The following APP variants were observed in gnomAD, a reference collection of about 807,000 sequenced individuals.
The protein encoded by APP is amyloid-beta precursor protein.
APP carries 31 observed loss-of-function variants against 101.4 expected under a neutral mutation model. The ratio of observed to expected loss-of-function variants is 0.31; its 90% CI spans 0.23 to 0.41. The LOEUF is 0.41. Ranked by LOEUF, APP falls within the 10% of genes least tolerant of loss-of-function variation. The pLI, the probability that APP is intolerant of heterozygous loss-of-function variation, is 1.00. For missense variants in APP, 839 were observed against 1,003.7 expected (o/e 0.84, Z 2.22); for synonymous variants, 366 against 364.4 (o/e 1.00, Z -0.05).
intron 13 of APP, among the ~76,000 whole-genome samples, chr21:25,946,598 G>A (rs45567537): frequency 1.7e-3 from 258 of 152,238 alleles, no homozygotes; most frequent in Middle Eastern, 0.014. Context: ...TCCGTAAGGC[G>A]GAGGTTGCAG....
chr21:26,075,613 G>GT (rs2061485671), intron 3 of APP, among the ~76,000 whole-genome samples: 1 of 152,140 alleles, frequency 6.6e-6, no homozygotes, highest in African/African-American at 2.4e-5. Flanking sequence ...AATTTACAGC[G>GT]TAACAAGGAC....
At chr21:26,042,935 A>T (rs1292565036) in intron 5 of APP, among the ~76,000 whole-genome samples, 1 of 152,134 alleles carries the variant, frequency 6.6e-6, no homozygotes, top group East Asian at 1.9e-4. Flanking sequence ...AATCACTTTA[A>T]TATAGTATCT....
rs11429343 is a variant in APP, at chr21:26,043,783, T to TG, written c.662+7216dup. Among the ~76,000 whole-genome samples, 118 of 67,204 alleles carry TG rather than the reference T, an allele frequency of 1.8e-3. No homozygotes were observed. The Middle Eastern group carries it at 0.018, about 10-fold the overall frequency. The allele number at this position is 67,204 out of a possible 152,430, so 44.1% of individuals were successfully genotyped here. ...TAACCTTTAGAATACCATCAGGTCT[T>TG]GGACACAATTTTACCTTTGAGTTCT... On this transcript the variant is annotated intron_variant, in intron 5 of 17. Transcript: ENST00000346798.
chr21:26,084,308 G>C (rs1268439420), intron 3 of APP, among the ~76,000 whole-genome samples: 2 of 140,432 alleles, frequency 1.4e-5, no homozygotes, highest in Non-Finnish European at 3.0e-5. Flanking sequence ...GCGCGATCTC[G>C]GCTCACGGCA....
intron 11 of APP, among the ~76,000 whole-genome samples, chr21:25,960,834 T>A (rs964877008): frequency 3.9e-5 from 6 of 152,214 alleles, no homozygotes; most frequent in Admixed American, 3.9e-4. Flanking sequence ...TAAATGAATT[T>A]GCAGGGTTCT....
intron 13 of APP, among the ~76,000 whole-genome samples, chr21:25,920,613 G>C (rs2039583714): frequency 6.6e-6 from 1 of 151,952 alleles, no homozygotes; most frequent in African/African-American, 2.4e-5. Context: ...AACCAACAAA[G>C]ATCAAAAGAG....
At chr21:25,898,198 A>G (rs912438166) in intron 15 of APP, among the ~76,000 whole-genome samples, 3 of 152,186 alleles carry the variant, frequency 2.0e-5, no homozygotes, top group African/African-American at 7.2e-5. Flanking sequence ...TGTAAAAATT[A>G]TATAATTTTA....
intron 15 of APP, among the ~76,000 whole-genome samples, chr21:25,899,190 C>T (rs1341018525): frequency 6.6e-6 from 1 of 152,224 alleles, no homozygotes; most frequent in African/African-American, 2.4e-5. Context: ...TCCCTACCTT[C>T]CCAGCTTTCC....
chr21:25,995,063 G>C (rs1363928415), intron 8 of APP, among the ~76,000 whole-genome samples: 1 of 151,884 alleles, frequency 6.6e-6, no homozygotes, highest in African/African-American at 2.4e-5. Context: ...AAAATTACTG[G>C]GAAGGAGAAA....
chr21:26,064,512 CAAGAGCCAG>C (rs1004189561), intron 3 of APP, among the ~76,000 whole-genome samples: 1 of 152,166 alleles, frequency 6.6e-6, no homozygotes, highest in African/African-American at 2.4e-5. Context: ...GCACCAGGTT[CAAGAGCCAG>C]AAGAGGCCCA....
At chr21:26,094,685 T>C (rs1000505084) in intron 2 of APP, among the ~76,000 whole-genome samples, 6 of 150,914 alleles carry the variant, frequency 4.0e-5, no homozygotes, top group African/African-American at 1.5e-4. Flanking sequence ...AAAAATTTCA[T>C]CAGAAATACA....
At chr21:25,992,833 G>A (rs183141811) in intron 8 of APP, among the ~76,000 whole-genome samples, 68 of 152,290 alleles carry the variant, frequency 4.5e-4, no homozygotes, top group Non-Finnish European at 4.4e-5. Flanking sequence ...TGTAATCCCA[G>A]GTTGCCTAAT....
chr21:26,023,410 T>A (rs564480243), intron 5 of APP, among the ~76,000 whole-genome samples: 7 of 147,248 alleles, frequency 4.8e-5, no homozygotes, highest in African/African-American at 1.8e-4. Context: ...CATGGTGGTG[T>A]GCACCTGTAG....
intron 1 of APP, among the ~76,000 whole-genome samples, chr21:26,150,315 G>A (rs572058988): frequency 4.6e-5 from 7 of 152,240 alleles, no homozygotes; most frequent in Middle Eastern, 3.4e-3. Flanking sequence ...TTCTGCAGGC[G>A]ATGGTGCCAC....
intron 1 of APP, among the ~76,000 whole-genome samples, chr21:26,142,313 G>A (rs1046375898): frequency 6.6e-5 from 10 of 152,114 alleles, no homozygotes; most frequent in African/African-American, 2.2e-4. Context: ...GCCCTCACTC[G>A]ATCTTTCTAG....
At chr21:26,059,894 A>G (rs1006975330) in intron 3 of APP, among the ~76,000 whole-genome samples, 1 of 16,380 alleles carries the variant, frequency 6.1e-5, no homozygotes, top group Non-Finnish European at 1.2e-4. Flanking sequence ...CCGTCTCAAA[A>G]AAAAAAAAAA....
chr21:26,025,491 C>T (rs1186952087), intron 5 of APP, among the ~76,000 whole-genome samples: 4 of 152,194 alleles, frequency 2.6e-5, no homozygotes, highest in African/African-American at 9.7e-5. Context: ...AGGGTTTGGA[C>T]AGCACCGTGT....
At chr21:25,916,349 TTATCAGAAGTGGAA>T (rs1401683086) in intron 13 of APP, among the ~76,000 whole-genome samples, 5 of 152,300 alleles carry the variant, frequency 3.3e-5, no homozygotes, top group African/African-American at 1.2e-4. Context: ...TGGATTACCA[TTATCAGAAGTGGAA>T]TTCAATTTCG....
chr21:26,016,862 G>T (rs1020809925), intron 6 of APP, among the ~76,000 whole-genome samples: 2 of 149,416 alleles, frequency 1.3e-5, no homozygotes, highest in Admixed American at 6.8e-5. Flanking sequence ...GAGCCATTGC[G>T]CCCAGCCCAG....
Sources: allele counts gnomAD v4.1 joint callset (sites outside exome capture counted in the v4.1 genomes callset), GRCh38; gene constraint gnomAD v4.1.1; transcripts MANE v1.5; gene names NCBI Gene and HGNC (gene_info 2026-07-23, HGNC 2026-07-21).